Variants in HHAT observed in about 807,000 individuals in gnomAD.
The protein encoded by HHAT is hedgehog acyltransferase.
HHAT carries 47 observed loss-of-function variants against 70.8 expected under a neutral mutation model. The ratio of observed to expected loss-of-function variants is 0.66; its 90% confidence interval spans 0.53 to 0.85. The LOEUF (loss-of-function observed/expected upper bound fraction) is 0.85. Among genes scored for constraint, HHAT ranks in the 40% least tolerant of loss-of-function variants. HHAT has a pLI of 0.00. For missense variants in HHAT, 609 were observed against 604.8 expected (o/e 1.01, Z -0.07); for synonymous variants, 228 against 247.6 (o/e 0.92, Z 0.74).
intron 2 of HHAT, among the ~76,000 whole-genome samples, chr1:210,361,734 T>C (rs2088336596): frequency 6.6e-6 from 1 of 152,174 alleles, no homozygotes; most frequent in Admixed American, 6.5e-5. Context: ...CTATGTACTC[T>C]TTGTCCTTTT....
intron 3 of HHAT, among the ~76,000 whole-genome samples, chr1:210,385,473 G>A (rs189027622): frequency 5.8e-4 from 89 of 152,176 alleles, no homozygotes; most frequent in Non-Finnish European, 1.1e-3. Context: ...CCAGGTTAAA[G>A]CTTTGAGTTC....
intron 7 of HHAT, among the ~76,000 whole-genome samples, chr1:210,441,036 C>G (rs1042020897): frequency 6.6e-6 from 1 of 152,182 alleles, no homozygotes; most frequent in African/African-American, 2.4e-5. Flanking sequence ...CACAATATGC[C>G]ACAGTTTGTG....
At chr1:210,508,632 T>C (rs2148569506) in intron 8 of HHAT, among the ~76,000 whole-genome samples, 1 of 152,310 alleles carries the variant, frequency 6.6e-6, no homozygotes, top group Middle Eastern at 3.4e-3. Context: ...ATGGCTCTTA[T>C]GAAGAGCAGC....
chr1:210,503,453 C>G (rs950602943), intron 8 of HHAT, among the ~76,000 whole-genome samples: 1 of 152,196 alleles, frequency 6.6e-6, no homozygotes, highest in Non-Finnish European at 1.5e-5. Context: ...CTACTTTTCT[C>G]TCATCTGATG....
chr1:210,456,184 A>T (rs537088712), intron 7 of HHAT, among the ~76,000 whole-genome samples: 4 of 152,284 alleles, frequency 2.6e-5, no homozygotes, highest in South Asian at 2.1e-4. Context: ...TATAGCCCCA[A>T]ATCACTCTCT....
chr1:210,672,993 TC>T (rs1680394645), intron 11 of HHAT, among the ~76,000 whole-genome samples: 1 of 152,222 alleles, frequency 6.6e-6, no homozygotes, highest in South Asian at 2.1e-4. Flanking sequence ...GTCGTTCGTT[TC>T]TTTTAACACA....
rs571045348 is a variant in HHAT, at chr1:210,520,076, C to G, written c.1043+6888C>G. Among the ~76,000 whole-genome samples the G allele has an allele frequency of 3.6e-3, 540 of 152,082 alleles. 5 individuals are homozygous for G. The Middle Eastern group carries it at 0.037, about 11-fold the overall frequency. On this transcript the variant is annotated intron_variant, in intron 9 of 11. Coordinates refer to ENST00000261458, the MANE Select transcript of HHAT (RefSeq NM_018194.6). The stretch of plus-strand genomic sequence containing the variant: ...TATCACCCAGACTGGAGTGCAATGG[C>G]GTGATCTCAGCTCACTGTAACCTCT...
intron 3 of HHAT, among the ~76,000 whole-genome samples, chr1:210,366,945 CTT>C (rs762741014): frequency 2.6e-5 from 4 of 152,200 alleles, no homozygotes; most frequent in Non-Finnish European, 4.4e-5. Context: ...CTGCCTCTCT[CTT>C]TACTTCCTTC....
intron 3 of HHAT, among the ~76,000 whole-genome samples, chr1:210,382,946 C>G (rs1044966752): frequency 3.9e-5 from 6 of 152,092 alleles, no homozygotes; most frequent in Non-Finnish European, 8.8e-5. Flanking sequence ...CCGGCTCTGC[C>G]CCTTACTAGG....
rs112990969 is a variant in HHAT, at chr1:210,463,393, A to G, written c.857-1112A>G. ...TTCCCTATTCTGGGCTTTCATATGAATGGAATAATACAATATGTGGTATTT... is the reference window on the plus strand; with the variant it reads ...TTCCCTATTCTGGGCTTTCATATGAGTGGAATAATACAATATGTGGTATTT... On this transcript the variant is annotated intron_variant, in intron 7 of 11. Transcript: ENST00000261458. 2.3e-3 allele frequency among the ~76,000 whole-genome samples: 351 copies of G among 152,296 alleles called. 1 individual carries two copies. The highest frequency in any genetic ancestry group is 3.4e-3 in the Non-Finnish European group (234 of 68,020).
At chr1:210,442,496 A>G (rs902612516) in intron 7 of HHAT, among the ~76,000 whole-genome samples, 89 of 148,740 alleles carry the variant, frequency 6.0e-4, no homozygotes, top group African/African-American at 2.2e-3. Flanking sequence ...ATTTCTCCAC[A>G]TCCTGTCCAG....
chr1:210,530,583 C>T (rs951253892), intron 9 of HHAT, among the ~76,000 whole-genome samples: 3 of 152,064 alleles, frequency 2.0e-5, no homozygotes, highest in Admixed American at 6.6e-5. Flanking sequence ...GAGTTATTAA[C>T]GGAGCAACGT....
At chr1:210,655,731 T>G (rs1223305645) in intron 11 of HHAT, among the ~76,000 whole-genome samples, 1 of 152,192 alleles carries the variant, frequency 6.6e-6, no homozygotes, top group Non-Finnish European at 1.5e-5. Flanking sequence ...AGTACGTCAT[T>G]TAAAAATTTG....
intron 9 of HHAT, among the ~76,000 whole-genome samples, chr1:210,584,689 T>C (rs1043310911): frequency 1.3e-5 from 2 of 152,212 alleles, no homozygotes; most frequent in Non-Finnish European, 2.9e-5. Flanking sequence ...CTTGGCCTTG[T>C]CAGAATGAGA....
chr1:210,517,829 T>C (rs2095084357), intron 9 of HHAT, among the ~76,000 whole-genome samples: 1 of 148,248 alleles, frequency 6.7e-6, no homozygotes, highest in Non-Finnish European at 1.5e-5. Flanking sequence ...AGTTAAAAAA[T>C]AATATTTTAA....
intron 7 of HHAT, among the ~76,000 whole-genome samples, chr1:210,461,309 T>C (rs975817510): frequency 6.6e-6 from 1 of 152,006 alleles, no homozygotes; most frequent in African/African-American, 2.4e-5. Flanking sequence ...TTTTTCTTTT[T>C]TCTTTTTTGA....
intron 8 of HHAT, among the ~76,000 whole-genome samples, chr1:210,500,200 T>C (rs2094726709): frequency 6.6e-6 from 1 of 152,186 alleles, no homozygotes; most frequent in Non-Finnish European, 1.5e-5. Context: ...TTTCAAACCA[T>C]AACGAACAGA....
intron 1 of HHAT, among the ~76,000 whole-genome samples, chr1:210,343,118 T>TG (rs1021819562): frequency 3.7e-4 from 57 of 152,160 alleles, no homozygotes; most frequent in African/African-American, 1.3e-3. Context: ...GAAAGAATGC[T>TG]GGGGGGCAGT....
intron 2 of HHAT, among the ~76,000 whole-genome samples, chr1:210,359,655 C>T (rs537340054): frequency 4.6e-5 from 7 of 152,060 alleles, no homozygotes; most frequent in African/African-American, 7.3e-5. Flanking sequence ...GTCAGGAGTT[C>T]GAGACCAGCC....
Sources: gnomAD v4.1 joint callset for allele counts (sites outside exome capture counted in the v4.1 genomes callset) on GRCh38, gnomAD v4.1.1 for gene constraint, MANE v1.5 for transcripts, NCBI Gene and HGNC (gene_info 2026-07-23, HGNC 2026-07-21) for gene names.